ACSS1: variants seen among roughly 807,000 people sequenced by gnomAD.
ACSS1 encodes acyl-CoA synthetase short chain family member 1.
Under a neutral mutation model 75.3 loss-of-function variants are expected in ACSS1, and 42 were observed. The ratio of observed to expected loss-of-function variants is 0.56; its 90% CI spans 0.44 to 0.72. The LOEUF (loss-of-function observed/expected upper bound fraction) is 0.72, where lower values mean the gene tolerates loss of function less well. Among genes scored for constraint, ACSS1 ranks in the 30% least tolerant of loss-of-function variants. The pLI is 0.00. For synonymous variants in ACSS1, 380 were observed against 376.8 expected (o/e 1.01, Z -0.10); for missense variants, 782 against 935.7 (o/e 0.84, Z 2.14).
chr20:25,032,772 G>A (rs756485934), intron 2 of ACSS1: 27 of 923,886 alleles, frequency 2.9e-5, no homozygotes, highest in Non-Finnish European at 3.5e-5. Flanking sequence ...TGAGCTGTCC[G>A]CATCACAGGC....
chr20:25,044,598 T>G (rs567689729), intron 2 of ACSS1, among the ~76,000 whole-genome samples: 48 of 152,294 alleles, frequency 3.2e-4, no homozygotes, highest in African/African-American at 1.2e-3. Flanking sequence ...GGGTGACATT[T>G]TTGAGCCCCT....
At chr20:25,026,332 C>G (rs575004045) in intron 3 of ACSS1, among the ~76,000 whole-genome samples, 1 of 152,182 alleles carries the variant, frequency 6.6e-6, no homozygotes, top group African/African-American at 2.4e-5. Context: ...CGGACTGGTT[C>G]GGCCAATCTA....
intron 8 of ACSS1, among the ~76,000 whole-genome samples, chr20:25,014,662 G>A (rs923763975): frequency 6.6e-6 from 1 of 152,280 alleles, no homozygotes; most frequent in South Asian, 2.1e-4. Context: ...CCAAGAGAAG[G>A]GGGGACAAAT....
intron 2 of ACSS1, 91 bp downstream of exon 2, chr20:25,047,994 A>G: frequency 8.7e-7 from 1 of 1,155,878 alleles, no homozygotes; most frequent in Non-Finnish European, 1.2e-6. Flanking sequence ...ACTCCCTGAG[A>G]CTCAGACGGC....
intron 2 of ACSS1, among the ~76,000 whole-genome samples, chr20:25,038,063 C>T (rs2088944416): frequency 6.6e-6 from 1 of 152,190 alleles, no homozygotes; most frequent in Non-Finnish European, 1.5e-5. Context: ...CATGAATGGT[C>T]CCCTGGGCCA....
At chr20:25,048,346 G>A (rs2089129568) in intron 1 of ACSS1, among the ~76,000 whole-genome samples, 165 bp from the exon 2 acceptor site, 1 of 152,176 alleles carries the variant, frequency 6.6e-6, no homozygotes, top group Non-Finnish European at 1.5e-5. Context: ...CTTGCAAGGA[G>A]AAGGGTGAAC....
chr20:25,043,633 G>A (rs1300714134), intron 2 of ACSS1, among the ~76,000 whole-genome samples: 1 of 152,176 alleles, frequency 6.6e-6, no homozygotes, highest in Admixed American at 6.5e-5. Context: ...TTCTCACTGT[G>A]CACGACCCCA....
rs138046225 is a variant in ACSS1 at position 25,013,862 on chromosome 20, C to G, written c.1452+99G>C. 24,470 of 1,388,742 alleles carry G rather than the reference C, an allele frequency of 0.018. 361 individuals are homozygous for G. The highest frequency in any genetic ancestry group is 0.019 in the Middle Eastern group (85 of 4,360). 86.0% of individuals were successfully genotyped at this position (1,388,742 alleles called of 1,614,324 possible). A position where few individuals can be genotyped will look rare whatever the true frequency, so the allele number is the denominator to read the frequency against. ...CGCTGCAAGGTCAGCAGCCTCCTGC[C>G]AGGTACAGACCTGGGCACACAGGAG... On this transcript the variant is annotated intron_variant, in intron 9 of 13. Coordinates refer to ENST00000323482, the MANE Select transcript of ACSS1 (RefSeq NM_032501.4).
At chr20:25,041,844 G>C (rs995904169) in intron 2 of ACSS1, among the ~76,000 whole-genome samples, 1 of 152,230 alleles carries the variant, frequency 6.6e-6, no homozygotes, top group African/African-American at 2.4e-5. Flanking sequence ...AGCAGATTTT[G>C]AACAGCTGTG....
Position 25,013,982 on chromosome 20 carries a change from G to C in ACSS1, c.1431C>G (p.Val477=), listed in dbSNP as rs768008909. The change falls in exon 9 of 14, where the codon GTC becomes GTG. Residue 477 remains valine (V), a synonymous_variant. Transcript: ENST00000323482. ...ACACCTTCTCATCCATGAGGACGGG[G>C]ACGATGCCAAAGAAGGGCCTCATCG... is the stretch of plus-strand genomic sequence containing the variant. The part of the protein sequence containing the change: ...AMAMRPFFGI[V]PVLMDEKGSV... 6.2e-7 allele frequency: 1 copy of C among 1,613,828 alleles called. No individual in the cohort carries two copies. The highest frequency in any genetic ancestry group is 1.1e-5 in the South Asian group (1 of 91,030).
intron 2 of ACSS1, among the ~76,000 whole-genome samples, chr20:25,039,641 C>A (rs1276901013): frequency 6.6e-6 from 1 of 152,208 alleles, no homozygotes; most frequent in East Asian, 1.9e-4. Context: ...GGCATGCCTC[C>A]CCAGGCACAG....
At chr20:25,031,749 C>T (rs532886125) in intron 2 of ACSS1, among the ~76,000 whole-genome samples, 4 of 152,290 alleles carry the variant, frequency 2.6e-5, no homozygotes, top group African/African-American at 9.6e-5. Flanking sequence ...CCCCTTTTTC[C>T]AGCAGCAGCT....
chr20:25,044,486 G>A (rs916727296), intron 2 of ACSS1, among the ~76,000 whole-genome samples: 2 of 152,166 alleles, frequency 1.3e-5, no homozygotes, highest in African/African-American at 4.8e-5. Context: ...CTTAGGCTTG[G>A]TGGCACACAC....
chr20:25,045,308 C>T (rs1476201491), intron 2 of ACSS1, among the ~76,000 whole-genome samples: 1 of 152,166 alleles, frequency 6.6e-6, no homozygotes, highest in African/African-American at 2.4e-5. Context: ...TGACCCTGCA[C>T]CCCAGAGGAC....
At position 25,006,732 on chromosome 20, in the gene ACSS1, G is replaced by A; in HGVS notation, c.*1030C>T. 7.6e-7 allele frequency: 1 copy of A among 1,314,948 alleles called. No homozygotes were observed. The highest frequency in any genetic ancestry group is 2.3e-5 in the Admixed American group (1 of 44,108). 81.5% of individuals were successfully genotyped at this position (1,314,948 alleles called of 1,614,324 possible). On this transcript the variant is annotated 3_prime_UTR_variant, in exon 14 of 14. Transcript: ENST00000323482. ...TCTTGCTAATGTTGACAGCACCTAA[G>A]TCACATTAAAACAAAGAGAGACTGG...
intron 7 of ACSS1, among the ~76,000 whole-genome samples, chr20:25,017,898 G>A (rs919950519): frequency 6.6e-6 from 1 of 152,168 alleles, no homozygotes; most frequent in African/African-American, 2.4e-5. Context: ...GCCCACTCAG[G>A]TGGCCCTGCT....
At chr20:25,017,376 C>T (rs2088537131) in intron 7 of ACSS1, among the ~76,000 whole-genome samples, 1 of 152,194 alleles carries the variant, frequency 6.6e-6, no homozygotes, top group African/African-American at 2.4e-5. Context: ...GGAATTGCAC[C>T]GACAGGTGTG....
At chr20:25,048,236 T>A (rs1202343377) in intron 1 of ACSS1, 55 bp from the exon 2 acceptor site, 3 of 1,542,362 alleles carry the variant, frequency 1.9e-6, no homozygotes, top group East Asian at 4.5e-5. Context: ...GAGTGAGAAT[T>A]CGGCCAGGTT....
intron 2 of ACSS1, among the ~76,000 whole-genome samples, chr20:25,037,697 A>G (rs143015158): frequency 8.6e-4 from 131 of 152,360 alleles, no homozygotes; most frequent in African/African-American, 3.1e-3. Flanking sequence ...AAGAGAAGAA[A>G]GGATCAGCCT....
Sources: gnomAD v4.1 joint callset for allele counts (sites outside exome capture counted in the v4.1 genomes callset) on GRCh38, gnomAD v4.1.1 for gene constraint, MANE v1.5 for transcripts, NCBI Gene and HGNC (gene_info 2026-07-23, HGNC 2026-07-21) for gene names.